Variants in RBM46 observed in about 807,000 individuals in gnomAD.
The protein encoded by RBM46 is probable RNA-binding protein 46.
A neutral mutation model predicts 43.3 loss-of-function variants in RBM46; 12 were observed. The ratio of observed to expected loss-of-function variants is 0.28; its 90% CI spans 0.18 to 0.45. The LOEUF (loss-of-function observed/expected upper bound fraction) is 0.45, where lower values mean the gene tolerates loss of function less well. Ranked by LOEUF, RBM46 falls within the 20% of genes least tolerant of loss-of-function variation. RBM46 has a pLI of 1.00. For synonymous variants in RBM46, 205 were observed against 207.6 expected (o/e 0.99, Z 0.11); for missense variants, 412 against 639.1 (o/e 0.64, Z 3.83).
intron 1 of RBM46, among the ~76,000 whole-genome samples, chr4:154,794,658 C>T (rs1012700568): frequency 6.6e-6 from 1 of 152,224 alleles, no homozygotes; most frequent in South Asian, 2.1e-4. Context: ...GCCAAGTACA[C>T]CTTTATATAA....
chr4:154,804,018 C>G (rs1287074331), intron 4 of RBM46, among the ~76,000 whole-genome samples: 1 of 152,268 alleles, frequency 6.6e-6, no homozygotes, highest in African/African-American at 2.4e-5. Context: ...TTCTTGCTTT[C>G]GCTGTCTTGC....
At chr4:154,812,126 CAT>C (rs1338828680) in intron 4 of RBM46, among the ~76,000 whole-genome samples, 1 of 151,562 alleles carries the variant, frequency 6.6e-6, no homozygotes, top group Non-Finnish European at 1.5e-5. Flanking sequence ...TGTAAATTCA[CAT>C]GATTCCAATG....
chr4:154,827,002 C>A, intron 4 of RBM46: 4 of 1,264,112 alleles, frequency 3.2e-6, no homozygotes, highest in Non-Finnish European at 4.0e-6. Context: ...TAGTCATTGT[C>A]ACACCCTTGG....
chr4:154,781,707 T>G (rs1479360132), intron 1 of RBM46: 1 of 152,508 alleles, frequency 6.6e-6, no homozygotes, highest in African/African-American at 2.4e-5. Flanking sequence ...TTGGGGCGTC[T>G]GGCGGCCTCT....
chr4:154,796,992 G>T (rs1233878339), intron 2 of RBM46, 89 bp downstream of exon 2: 3 of 1,099,166 alleles, frequency 2.7e-6, no homozygotes, highest in Admixed American at 4.9e-5. Flanking sequence ...CCAAACAATA[G>T]CTCTCTCCTT....
At chr4:154,807,140 T>C (rs150278708) in intron 4 of RBM46, among the ~76,000 whole-genome samples, 53 of 151,860 alleles carry the variant, frequency 3.5e-4, no homozygotes, top group African/African-American at 1.2e-3. Context: ...CCATTAGCAA[T>C]TGTGTGTATA....
At chr4:154,789,909 G>A (rs1401455836) in intron 1 of RBM46, among the ~76,000 whole-genome samples, 2 of 152,146 alleles carry the variant, frequency 1.3e-5, no homozygotes, top group African/African-American at 4.8e-5. Flanking sequence ...TTGGGAGGGT[G>A]TATGTGTCCA....
intron 4 of RBM46, among the ~76,000 whole-genome samples, chr4:154,819,843 T>A (rs1338425698): frequency 6.6e-6 from 1 of 152,132 alleles, no homozygotes; most frequent in African/African-American, 2.4e-5. Context: ...TATGACTAAA[T>A]TAGATTTCAA....
At chr4:154,788,241 T>G (rs1733884153) in intron 1 of RBM46, among the ~76,000 whole-genome samples, 2 of 152,238 alleles carry the variant, frequency 1.3e-5, no homozygotes, top group African/African-American at 4.8e-5. Flanking sequence ...TTTTGGTGTT[T>G]TAGTCATGAA....
At chr4:154,788,945 A>G (rs906100037) in intron 1 of RBM46, among the ~76,000 whole-genome samples, 1 of 152,100 alleles carries the variant, frequency 6.6e-6, no homozygotes, top group African/African-American at 2.4e-5. Flanking sequence ...CTTTGAAGCA[A>G]TTGTGAATTG....
chr4:154,821,081 T>C (rs1406493310), intron 4 of RBM46, among the ~76,000 whole-genome samples: 1 of 151,782 alleles, frequency 6.6e-6, no homozygotes, highest in Non-Finnish European at 1.5e-5. Context: ...GTTATGTGGA[T>C]TCAGTTGTAC....
intron 4 of RBM46, among the ~76,000 whole-genome samples, chr4:154,803,083 C>T (rs1300591244): frequency 6.6e-6 from 1 of 152,122 alleles, no homozygotes; most frequent in Non-Finnish European, 1.5e-5. Context: ...GGATAACAGG[C>T]ACCTACATGA....
At chr4:154,792,168 A>G (rs1188236114) in intron 1 of RBM46, among the ~76,000 whole-genome samples, 1 of 152,222 alleles carries the variant, frequency 6.6e-6, no homozygotes, top group Non-Finnish European at 1.5e-5. Flanking sequence ...TACCTTATCA[A>G]TTTAATAGCA....
At chr4:154,819,386 A>G (rs1735618908) in intron 4 of RBM46, among the ~76,000 whole-genome samples, 1 of 152,026 alleles carries the variant, frequency 6.6e-6, no homozygotes. Flanking sequence ...CCTTCTGTTA[A>G]TTCCCAAGAG....
At chr4:154,796,674 A>G (rs1273374034) in intron 1 of RBM46, 68 bp from the exon 2 acceptor site, 9 of 1,115,470 alleles carry the variant, frequency 8.1e-6, no homozygotes, top group East Asian at 2.6e-5. Flanking sequence ...CTGCAACCCA[A>G]AGAAATGCCT....
chr4:154,797,765 A>C, intron 2 of RBM46, 46 bp from the exon 3 acceptor site: 2 of 1,288,726 alleles, frequency 1.6e-6, no homozygotes, highest in East Asian at 2.3e-5. Flanking sequence ...TAGTGAGTAC[A>C]AATATCCAAT....
intron 1 of RBM46, among the ~76,000 whole-genome samples, chr4:154,795,333 A>G (rs78174034): frequency 0.023 from 3,494 of 152,296 alleles, 132 homozygotes; most frequent in African/African-American, 0.08. Context: ...CTGAGTCTGC[A>G]CTTTATAACA....
chr4:154,823,266 A>C lies in RBM46; in HGVS notation c.1403-4602A>C, dbSNP rs549298060. ...TGGGGCTGAGAGAAGAGAGAGTGGG[A>C]GTAACTGCTAATAGATAACAGAGTT... On this transcript the variant is annotated intron_variant, in intron 4 of 4. Coordinates refer to ENST00000281722, the MANE Select transcript of RBM46 (RefSeq NM_144979.5). 2.0e-5 allele frequency among the ~76,000 whole-genome samples: 3 copies of C among 151,962 alleles called. No individual in the cohort carries two copies. The East Asian group carries it at 5.8e-4, about 29-fold the overall frequency.
chr4:154,787,573 C>T (rs1479664241), intron 1 of RBM46, among the ~76,000 whole-genome samples: 1 of 152,078 alleles, frequency 6.6e-6, no homozygotes, highest in East Asian at 1.9e-4. Context: ...TTTCTTAATC[C>T]AGTCTATCAT....
Sources: gnomAD v4.1 joint callset for allele counts (sites outside exome capture counted in the v4.1 genomes callset) on GRCh38, gnomAD v4.1.1 for gene constraint, MANE v1.5 for transcripts, NCBI Gene and HGNC (gene_info 2026-07-23, HGNC 2026-07-21) for gene names.